CDH7: variants seen among roughly 807,000 people sequenced by gnomAD.
The protein encoded by CDH7 is cadherin-7.
A neutral mutation model predicts 71.8 loss-of-function variants in CDH7; 25 were observed. That is an observed-to-expected ratio of 0.35 (90% CI 0.25 to 0.49). The LOEUF is 0.49. Ranked by LOEUF, CDH7 falls within the 20% of genes least tolerant of loss-of-function variation. The pLI is 0.99. For missense variants in CDH7, 862 were observed against 974.6 expected (o/e 0.88, Z 1.54); for synonymous variants, 381 against 363.8 (o/e 1.05, Z -0.54).
chr18:65,795,891 G>T lies in CDH7; in HGVS notation c.211-13813G>T, dbSNP rs549577498. Among the ~76,000 whole-genome samples, 111 of 152,180 alleles carry T rather than the reference G, an allele frequency of 7.3e-4. 1 individual carries two copies. Among genetic ancestry groups the T allele is most frequent in the East Asian group, 5.8e-4 (3 of 5,156 alleles). On this transcript the variant is annotated intron_variant, in intron 2 of 11. Coordinates refer to ENST00000397968, the MANE Select transcript of CDH7 (RefSeq NM_004361.5). ...TTCTCATGATAGTGAGTTCTCACAAGATCTGAGTTTTATAAGGGACACTCC... is the reference window on the plus strand; with the variant it reads ...TTCTCATGATAGTGAGTTCTCACAATATCTGAGTTTTATAAGGGACACTCC...
At position 65,814,557 on chromosome 18, in the gene CDH7, A is replaced by G. The variant is rs754399141; in HGVS notation, c.578A>G (p.Tyr193Cys). 6.2e-7 allele frequency: 1 copy of G among 1,613,744 alleles called. No homozygotes were observed. The highest frequency in any genetic ancestry group is 8.5e-7 in the Non-Finnish European group (1 of 1,179,716). ...TATGGCAACAGTGCCAGAGTGGTCT[A>G]CAGTATTCTGCAAGGACAGCCGTAC... Reference protein sequence around the residue: ...PTYGNSARVVYSILQGQPYFS... With the variant: ...PTYGNSARVVCSILQGQPYFS... The change falls in exon 4 of 12, where the codon TAC (tyrosine) becomes TGC (cysteine). Residue 193 changes from tyrosine to cysteine, a missense_variant. Tyr to Cys is a radical substitution (Grantham distance 194, BLOSUM62 -2). Transcript: ENST00000397968.
intron 7 of CDH7, among the ~76,000 whole-genome samples, chr18:65,853,753 C>T (rs1293745916): frequency 6.6e-6 from 1 of 151,476 alleles, no homozygotes; most frequent in Non-Finnish European, 1.5e-5. Flanking sequence ...TTCTTAGTTT[C>T]TTCCTCAATA....
At chr18:65,855,488 T>C (rs896764456) in intron 7 of CDH7, among the ~76,000 whole-genome samples, 5 of 149,266 alleles carry the variant, frequency 3.3e-5, no homozygotes, top group Admixed American at 6.9e-5. Flanking sequence ...TCAATGAAAT[T>C]AGGCAATTTA....
At chr18:65,835,473 C>T (rs1276620268) in intron 6 of CDH7, among the ~76,000 whole-genome samples, 2 of 152,174 alleles carry the variant, frequency 1.3e-5, no homozygotes, top group Non-Finnish European at 2.9e-5. Flanking sequence ...ATTAGCCTAT[C>T]TCATAAAATC....
intron 2 of CDH7, among the ~76,000 whole-genome samples, chr18:65,772,088 A>C (rs1353688444): frequency 6.6e-6 from 1 of 152,184 alleles, no homozygotes; most frequent in East Asian, 1.9e-4. Context: ...AAATGCTGAC[A>C]TGTTTTAAGG....
chr18:65,869,545 ATTTTT>A lies in CDH7; in HGVS notation c.1864+6649_1864+6653del, dbSNP rs10696115. 1.3e-3 allele frequency among the ~76,000 whole-genome samples: 119 copies of A among 91,378 alleles called. 1 individual carries two copies. Among genetic ancestry groups the A allele is most frequent in the Non-Finnish European group, 1.6e-3 (85 of 52,024 alleles). 59.9% of individuals were successfully genotyped at this position (91,378 alleles called of 152,430 possible). A position where few individuals can be genotyped will look rare whatever the true frequency, so the allele number is the denominator to read the frequency against. The stretch of plus-strand genomic sequence containing the variant: ...CTTCCCATAATCTACAAGTGGGTCA[ATTTTT>A]TTTTTTTTTTTTTTTTTTTTGTATT... On this transcript the variant is annotated intron_variant, in intron 11 of 11. Transcript: ENST00000397968.
chr18:65,802,203 G>A (rs1911148037), intron 2 of CDH7, among the ~76,000 whole-genome samples: 1 of 152,118 alleles, frequency 6.6e-6, no homozygotes, highest in Non-Finnish European at 1.5e-5. Context: ...GGGGTTTTTT[G>A]TTGTTGGTTG....
intron 2 of CDH7, among the ~76,000 whole-genome samples, chr18:65,772,788 TAA>T (rs1916584486): frequency 6.6e-6 from 1 of 152,118 alleles, no homozygotes; most frequent in Non-Finnish European, 1.5e-5. Flanking sequence ...TTACAAAGGC[TAA>T]GTTATCTTCT....
intron 1 of CDH7, among the ~76,000 whole-genome samples, chr18:65,759,181 A>T (rs1315014606): frequency 6.6e-6 from 1 of 152,170 alleles, no homozygotes; most frequent in Non-Finnish European, 1.5e-5. Flanking sequence ...TTTTATAAGC[A>T]AGTCAAATGT....
intron 2 of CDH7, among the ~76,000 whole-genome samples, chr18:65,787,140 CAG>C (rs1204726793): frequency 6.6e-6 from 1 of 152,000 alleles, no homozygotes; most frequent in Non-Finnish European, 1.5e-5. Context: ...AGGCATGAAA[CAG>C]AAAGTTTTTA....
At chr18:65,765,738 G>A (rs1021351552) in intron 2 of CDH7, among the ~76,000 whole-genome samples, 1 of 151,904 alleles carries the variant, frequency 6.6e-6, no homozygotes, top group East Asian at 1.9e-4. Context: ...ACCTTAACTT[G>A]ATCACATAAT....
Position 65,781,776 on chromosome 18 carries a change from T to TA in CDH7, c.210+18724_210+18725insA, listed in dbSNP as rs1910208273. Among the ~76,000 whole-genome samples, 154 of 56,830 alleles carry TA rather than the reference T, an allele frequency of 2.7e-3. 5 individuals carry two copies. The highest frequency in any genetic ancestry group is 0.019 in the African/African-American group (145 of 7,810). The allele number at this position is 56,830 out of a possible 152,430, so 37.3% of individuals were successfully genotyped here. ...TTTCTTTCTTTCTTTCTTTCCTTCC[T>TA]TCCTTCCTTCCTTCCTTCCTTCCTT... is the stretch of plus-strand genomic sequence containing the variant. On this transcript the variant is annotated intron_variant, in intron 2 of 11. Transcript: ENST00000397968.
chr18:65,844,197 A>ATATATATATATATAT lies in CDH7; in HGVS notation c.1235+132_1235+133insTATATATATATATAT, dbSNP rs1297136960. 1.5e-4 allele frequency: 37 copies of ATATATATATATATAT among 242,018 alleles called. 1 individual carries two copies. The highest frequency in any genetic ancestry group is 2.8e-4 in the South Asian group (2 of 7,074). The allele number at this position is 242,018 out of a possible 1,614,324, so 15.0% of individuals were successfully genotyped here. A position where few individuals can be genotyped will look rare whatever the true frequency, so the allele number is the denominator to read the frequency against. ...CAGATATATATATATATCGAGTTAT[A>ATATATATATATATAT]ACAGCAGAGGTAAAACAGCATTAGA... On this transcript the variant is annotated intron_variant, in intron 7 of 11. Transcript: ENST00000397968.
chr18:65,815,103 T>A (rs1191850602), intron 4 of CDH7, among the ~76,000 whole-genome samples: 6 of 147,482 alleles, frequency 4.1e-5, no homozygotes, highest in African/African-American at 1.6e-4. Flanking sequence ...ATATATATAT[T>A]TTTTTAATTT....
intron 2 of CDH7, among the ~76,000 whole-genome samples, chr18:65,788,810 A>C (rs746287745): frequency 6.6e-6 from 1 of 152,228 alleles, no homozygotes; most frequent in Non-Finnish European, 1.5e-5. Context: ...AAAAGTTTTC[A>C]ATAAGAATCT....
At chr18:65,795,207 A>T (rs546405059) in intron 2 of CDH7, among the ~76,000 whole-genome samples, 1 of 152,122 alleles carries the variant, frequency 6.6e-6, no homozygotes, top group African/African-American at 2.4e-5. Context: ...ATGATTACTA[A>T]TTTTTTTTAT....
rs1913466230 is a variant in CDH7 at position 65,859,002 on chromosome 18, A to G, written c.1450A>G (p.Met484Val). 6.2e-7 allele frequency: 1 copy of G among 1,613,650 alleles called. No individual in the cohort carries two copies. The highest frequency in any genetic ancestry group is 8.5e-7 in the Non-Finnish European group (1 of 1,179,604). The stretch of plus-strand genomic sequence containing the variant: ...CAATGATAACGCCCCTGAATTTGCC[A>G]TGGACTATGAGACCACCGTCTGTGA... ...DINDNAPEFA[M>V]DYETTVCENA... The change falls in exon 9 of 12, where the codon ATG becomes GTG. Residue 484 changes from methionine to valine, a missense_variant. Coordinates refer to ENST00000397968, the MANE Select transcript of CDH7 (RefSeq NM_004361.5).
chr18:65,793,424 A>C (rs2143863365), intron 2 of CDH7, among the ~76,000 whole-genome samples: 1 of 152,156 alleles, frequency 6.6e-6, no homozygotes, highest in South Asian at 2.1e-4. Context: ...GTCTCAAAAA[A>C]AAAAAAAAAG....
At chr18:65,763,777 A>T (rs989086128) in intron 2 of CDH7, among the ~76,000 whole-genome samples, 3 of 152,056 alleles carry the variant, frequency 2.0e-5, no homozygotes, top group African/African-American at 7.2e-5. Context: ...TGTTTTTCAC[A>T]GTTTCTTCTG....
Sources: gnomAD v4.1 joint callset for allele counts (sites outside exome capture counted in the v4.1 genomes callset) on GRCh38, gnomAD v4.1.1 for gene constraint, MANE v1.5 for transcripts, NCBI Gene and HGNC (gene_info 2026-07-23, HGNC 2026-07-21) for gene names.